Variants in GLRB observed in about 807,000 individuals in gnomAD.
The protein encoded by GLRB is glycine receptor beta.
Under a neutral mutation model 54.2 loss-of-function variants are expected in GLRB, and 33 were observed. The observed-to-expected ratio is 0.61, with a 90% CI of 0.46 to 0.81. GLRB has a LOEUF of 0.81. Ranked by LOEUF, GLRB falls within the 40% of genes least tolerant of loss-of-function variation. GLRB has a pLI of 0.00. For missense variants in GLRB, 572 were observed against 584.6 expected, an observed-to-expected ratio of 0.98 and a Z score of 0.22; for synonymous variants, 209 against 208.2, an observed-to-expected ratio of 1.00 and a Z score of -0.03.
chr4:157,111,809 A>T (rs1735429747), intron 2 of GLRB, among the ~76,000 whole-genome samples: 1 of 151,832 alleles, frequency 6.6e-6, no homozygotes, highest in Non-Finnish European at 1.5e-5. Flanking sequence ...ATCCACTCCA[A>T]TCTAGCCTCT....
intron 2 of GLRB, among the ~76,000 whole-genome samples, chr4:157,087,101 G>T (rs1734438909): frequency 6.6e-6 from 1 of 152,080 alleles, no homozygotes; most frequent in Non-Finnish European, 1.5e-5. Flanking sequence ...TTGCATAAGA[G>T]CTCCATTTAT....
chr4:157,103,868 A>G (rs1230371917), intron 2 of GLRB, among the ~76,000 whole-genome samples: 2 of 151,802 alleles, frequency 1.3e-5, no homozygotes, highest in African/African-American at 4.8e-5. Flanking sequence ...TAGAAAAGCA[A>G]TTGATGTTTT....
At chr4:157,152,665 G>A (rs1737066015) in intron 8 of GLRB, 53 bp from the exon 9 acceptor site, 1 of 1,385,250 alleles carries the variant, frequency 7.2e-7, no homozygotes, top group Non-Finnish European at 1.0e-6. Context: ...AATGACCCCA[G>A]AACATCTCAT....
intron 2 of GLRB, among the ~76,000 whole-genome samples, chr4:157,088,692 G>T (rs1328348797): frequency 6.6e-6 from 1 of 151,852 alleles, no homozygotes; most frequent in Non-Finnish European, 1.5e-5. Context: ...TCTTGATTTA[G>T]CAAAAAAAGA....
chr4:157,084,355 T>C (rs1237934969), intron 2 of GLRB, among the ~76,000 whole-genome samples: 1 of 152,144 alleles, frequency 6.6e-6, no homozygotes, highest in African/African-American at 2.4e-5. Flanking sequence ...ATCTCACCTC[T>C]TTTCTCCCAT....
At chr4:157,159,965 G>A (rs1448221527) in intron 9 of GLRB, among the ~76,000 whole-genome samples, 2 of 152,194 alleles carry the variant, frequency 1.3e-5, no homozygotes, top group East Asian at 3.9e-4. Context: ...TCTGGTCCTG[G>A]ACTTTTTTTG....
intron 2 of GLRB, among the ~76,000 whole-genome samples, chr4:157,099,919 T>G (rs928964926): frequency 1.3e-5 from 2 of 152,202 alleles, no homozygotes; most frequent in African/African-American, 4.8e-5. Flanking sequence ...ATTGATGTTA[T>G]TGAGCACCTT....
Position 157,170,770 on chromosome 4 carries a change from G to T in GLRB, c.*42G>T, listed in dbSNP as rs759633482. On this transcript the variant is annotated 3_prime_UTR_variant, in exon 10 of 10. Coordinates refer to ENST00000264428, the MANE Select transcript of GLRB (RefSeq NM_000824.5). Reference sequence around the variant, plus strand: ...GTACAAAATAAAATTCCATTTCATTGTGACCTACTCCTTTCATAAATGCCA... The same window carrying T: ...GTACAAAATAAAATTCCATTTCATTTTGACCTACTCCTTTCATAAATGCCA... The T allele has an allele frequency of 2.6e-6, 3 of 1,141,900 alleles. No individual in the cohort carries two copies. The South Asian group carries it at 5.0e-5, about 19-fold the overall frequency. The allele number at this position is 1,141,900 out of a possible 1,614,324, so 70.7% of individuals were successfully genotyped here.
chr4:157,106,721 A>G (rs528551613), intron 2 of GLRB, among the ~76,000 whole-genome samples: 40 of 152,154 alleles, frequency 2.6e-4, no homozygotes, highest in African/African-American at 9.6e-4. Flanking sequence ...ACTAAGAATT[A>G]CACCATCACC....
intron 2 of GLRB, among the ~76,000 whole-genome samples, chr4:157,102,907 C>T (rs1735085613): frequency 6.6e-6 from 1 of 152,148 alleles, no homozygotes; most frequent in Non-Finnish European, 1.5e-5. Context: ...TGGCTCATGC[C>T]TGTAATCCCA....
intron 2 of GLRB, among the ~76,000 whole-genome samples, chr4:157,085,775 G>A (rs914917780): frequency 1.3e-5 from 2 of 151,740 alleles, no homozygotes; most frequent in Non-Finnish European, 2.9e-5. Context: ...GGAATTACAG[G>A]CGTGAGCCAC....
At chr4:157,107,286 C>A (rs930799723) in intron 2 of GLRB, among the ~76,000 whole-genome samples, 1 of 152,066 alleles carries the variant, frequency 6.6e-6, no homozygotes, top group Non-Finnish European at 1.5e-5. Flanking sequence ...CTGCATGTCT[C>A]TCACTTTAAA....
At chr4:157,088,084 G>A (rs1734476545) in intron 2 of GLRB, among the ~76,000 whole-genome samples, 1 of 152,070 alleles carries the variant, frequency 6.6e-6, no homozygotes, top group African/African-American at 2.4e-5. Context: ...TAACAGTGAA[G>A]CACTTATTAA....
chr4:157,141,058 A>G (rs1736591956), intron 7 of GLRB, among the ~76,000 whole-genome samples: 2 of 151,922 alleles, frequency 1.3e-5, no homozygotes, highest in South Asian at 4.1e-4. Context: ...ACAAGTAAAC[A>G]ACGTAAAATA....
intron 2 of GLRB, among the ~76,000 whole-genome samples, chr4:157,109,287 G>A (rs538417206): frequency 6.6e-6 from 1 of 152,026 alleles, no homozygotes; most frequent in East Asian, 1.9e-4. Context: ...GGCTTTCTGG[G>A]ATTTCTGAAT....
chr4:157,170,691 T>C lies in GLRB; in HGVS notation c.1457T>C (p.Leu486Ser). The C allele has an allele frequency of 6.3e-7, 1 of 1,590,820 alleles. No individual in the cohort carries two copies. Among genetic ancestry groups the C allele is most frequent in the Non-Finnish European group, 8.6e-7 (1 of 1,164,028 alleles). ...YARALFPFCF[L>S]FFNVIYWSIY... ...AGAGCATTGTTTCCTTTCTGCTTCT[T>C]GTTCTTCAATGTTATATATTGGTCT... Residue 486 changes from leucine to serine, a missense_variant, in exon 10 of 10, where the codon TTG (leucine) becomes TCG (serine). By Grantham distance (145) the Leu-to-Ser change is moderately radical. Coordinates refer to ENST00000264428, the MANE Select transcript of GLRB (RefSeq NM_000824.5).
Position 157,152,937 on chromosome 4 carries a change from G to C in GLRB, c.1124G>C (p.Gly375Ala). 6.2e-7 allele frequency: 1 copy of C among 1,613,988 alleles called. No homozygotes were observed. Among genetic ancestry groups the C allele is most frequent in the Non-Finnish European group, 8.5e-7 (1 of 1,179,912 alleles). Reference protein sequence around the residue: ...ARIAKAEQADGKGGNVAKKNT... With the variant: ...ARIAKAEQADAKGGNVAKKNT... ...ATTGCTAAGGCTGAGCAAGCAGATG[G>C]AAAAGGTGGAAATGTGGCTAAAAAG... Residue 375 changes from glycine (G) to alanine (A), a missense_variant, in exon 9 of 10, where the codon GGA becomes GCA. By Grantham distance (60) the Gly-to-Ala change is moderately conservative. Transcript: ENST00000264428.
chr4:157,156,612 T>C (rs1386481414), intron 9 of GLRB, among the ~76,000 whole-genome samples: 1 of 152,214 alleles, frequency 6.6e-6, no homozygotes, highest in Non-Finnish European at 1.5e-5. Flanking sequence ...ATTTTTTTCC[T>C]CTGCCCTTTA....
chr4:157,143,817 A>G lies in GLRB; in HGVS notation c.762A>G (p.Thr254=). The G allele has an allele frequency of 1.2e-6, 2 of 1,613,312 alleles. No homozygotes were observed. The highest frequency in any genetic ancestry group is 1.7e-6 in the Non-Finnish European group (2 of 1,179,866). Residue 254 remains threonine, a synonymous_variant, in exon 8 of 10, where the codon ACA becomes ACG. Transcript: ENST00000264428. The part of the protein sequence containing the change: ...TKYYKGTGYY[T]CVEVIFTLRR... Reference sequence around the variant, plus strand: ...GTTTGCTTCTGAAAGGCTACTACACATGCGTGGAAGTCATCTTCACCCTGA... The same window carrying G: ...GTTTGCTTCTGAAAGGCTACTACACGTGCGTGGAAGTCATCTTCACCCTGA...
Sources: allele counts gnomAD v4.1 joint callset (sites outside exome capture counted in the v4.1 genomes callset), GRCh38; gene constraint gnomAD v4.1.1; transcripts MANE v1.5; gene names NCBI Gene and HGNC (gene_info 2026-07-23, HGNC 2026-07-21).